Variants in TMEM114 observed in about 807,000 individuals in gnomAD.
The protein encoded by TMEM114 is claudin-26.
TMEM114 carries 6 observed loss-of-function variants against 6.2 expected under a neutral mutation model. That is an observed-to-expected ratio of 0.97 (90% CI 0.53 to 1.91). The LOEUF (loss-of-function observed/expected upper bound fraction) is 1.91. Ranked by LOEUF, TMEM114 falls within the 40% of genes most tolerant of loss-of-function variation. The pLI is 0.01. For synonymous variants in TMEM114, 104 were observed against 73.0 expected, an observed-to-expected ratio of 1.42 and a Z score of -2.16; for missense variants, 218 against 158.3, an observed-to-expected ratio of 1.38 and a Z score of -2.02.
intron 2 of TMEM114, among the ~76,000 whole-genome samples, chr16:8,553,328 C>T (rs1175329532): frequency 6.6e-6 from 1 of 152,092 alleles, no homozygotes; most frequent in East Asian, 1.9e-4. Context: ...TGTCTGTGGC[C>T]AGAGAAGTCT....
At position 8,574,550 on chromosome 16, in the gene TMEM114, C is replaced by CTTCT. The variant is rs771760042; in HGVS notation, c.302-2330_302-2327dup. Among the ~76,000 whole-genome samples the CTTCT allele has an allele frequency of 1.4e-3, 200 of 147,022 alleles. 1 individual carries two copies. The highest frequency in any genetic ancestry group is 4.1e-3 in the African/African-American group (158 of 39,008). ...CAGGGGATGAGACCTGTGGTCTTTC[C>CTTCT]TTCTTTCTTTCTTTCTTTCTTTCCT... On this transcript the variant is annotated intron_variant, in intron 2 of 3. Coordinates refer to ENST00000620492, the MANE Select transcript of TMEM114 (RefSeq NM_001146336.2).
intron 2 of TMEM114, among the ~76,000 whole-genome samples, chr16:8,545,221 T>A (rs192069757): frequency 6.6e-6 from 1 of 152,260 alleles, no homozygotes; most frequent in East Asian, 1.9e-4. Flanking sequence ...GAAGATTACT[T>A]GCATCCACGA....
At chr16:8,568,231 C>T (rs967757389), downstream of TMEM114, among the ~76,000 whole-genome samples, 9 of 152,208 alleles carry the variant, frequency 5.9e-5, no homozygotes, top group African/African-American at 9.6e-5. Flanking sequence ...TCTCCTCAAT[C>T]ATGTGGCACC....
rs762295891 is a variant in TMEM114, at chr16:8,580,341, G to C, written c.302-8117C>G. On this transcript the variant is annotated intron_variant, in intron 2 of 3. Transcript: ENST00000620492. ...GTCTCTACTAAAAATACAAAAATTA[G>C]CTGGACGTGGTGATGTGCACCTCTA... 1.4e-4 allele frequency among the ~76,000 whole-genome samples: 22 copies of C among 151,934 alleles called. 1 individual carries two copies. The highest frequency in any genetic ancestry group is 2.6e-4 in the Non-Finnish European group (18 of 67,996).
intron 3 of TMEM114, among the ~76,000 whole-genome samples, chr16:8,571,466 C>T (rs1192451783): frequency 2.6e-5 from 4 of 152,154 alleles, no homozygotes; most frequent in Non-Finnish European, 4.4e-5. Context: ...CTACTCTCAG[C>T]GATTTTCAAG....
chr16:8,547,891 G>C (rs185990273), intron 2 of TMEM114, among the ~76,000 whole-genome samples: 1 of 152,162 alleles, frequency 6.6e-6, no homozygotes. Flanking sequence ...GGGCTTGGGA[G>C]GCCCATCATT....
At chr16:8,571,443 T>C (rs2141684152) in intron 3 of TMEM114, among the ~76,000 whole-genome samples, 1 of 152,312 alleles carries the variant, frequency 6.6e-6, no homozygotes, top group East Asian at 1.9e-4. Flanking sequence ...TTGTGTGTGG[T>C]GAGAACTAAA....
downstream of TMEM114, chr16:8,537,521 A>AC (rs1900394511): frequency 6.6e-6 from 1 of 152,182 alleles, no homozygotes; most frequent in Non-Finnish European, 1.5e-5. Context: ...AAACAAACAA[A>AC]AAAACAAATA....
intron 2 of TMEM114, among the ~76,000 whole-genome samples, chr16:8,549,457 G>C (rs1266215956): frequency 7.1e-6 from 1 of 141,486 alleles, no homozygotes; most frequent in South Asian, 2.2e-4. Context: ...CCACGATTGA[G>C]CCACTTCACT....
chr16:8,578,622 G>C (rs540350190), intron 2 of TMEM114, among the ~76,000 whole-genome samples: 3 of 152,142 alleles, frequency 2.0e-5, no homozygotes, highest in Non-Finnish European at 2.9e-5. Context: ...ACCACGTCTT[G>C]GATGGCATAC....
At chr16:8,552,819 A>T (rs965990494) in intron 2 of TMEM114, among the ~76,000 whole-genome samples, 2 of 151,908 alleles carry the variant, frequency 1.3e-5, no homozygotes, top group African/African-American at 4.8e-5. Flanking sequence ...GTTTCTGCAC[A>T]AACCCCTCCC....
chr16:8,570,560 G>A (rs1419399563), intron 3 of TMEM114, among the ~76,000 whole-genome samples: 1 of 152,138 alleles, frequency 6.6e-6, no homozygotes, highest in African/African-American at 2.4e-5. Flanking sequence ...TCAAACTCCT[G>A]ACCTCAAGTG....
In TMEM114 at chr16:8,581,889, C is replaced by T. The variant is rs142891350; in HGVS notation, c.301+7324G>A. 3.7e-3 allele frequency among the ~76,000 whole-genome samples: 569 copies of T among 152,318 alleles called. 2 individuals carry two copies. The highest frequency in any genetic ancestry group is 6.4e-3 in the Non-Finnish European group (434 of 68,034). ...GATTGAAGATCCACAGGCACCTGCT[C>T]CTTCCCTGACTGCCTGCAGCACAGC... is the stretch of plus-strand genomic sequence containing the variant. On this transcript the variant is annotated intron_variant, in intron 2 of 3. Coordinates refer to ENST00000620492, the MANE Select transcript of TMEM114 (RefSeq NM_001146336.2).
At chr16:8,560,490 G>A (rs1227588831) in intron 2 of TMEM114, among the ~76,000 whole-genome samples, 2 of 152,290 alleles carry the variant, frequency 1.3e-5, no homozygotes, top group East Asian at 3.9e-4. Flanking sequence ...CATCCTCAGC[G>A]ACTAGGGGCT....
rs151062780 is a variant in TMEM114, at chr16:8,549,329, G to A, written n.213-11503C>T. Among the ~76,000 whole-genome samples the A allele has an allele frequency of 7.2e-3, 1,089 of 151,596 alleles. 6 individuals carry two copies. The highest frequency in any genetic ancestry group is 0.023 in the African/African-American group (933 of 41,274). On this transcript the variant is annotated intron_variant and non_coding_transcript_variant, in intron 2 of 2. Transcript: ENST00000623677. ...AGCCTGGCCAACATGACAAAACCCCGTCTCTACTAAAAATACAAAAATTAG... is the reference window on the plus strand; with the variant it reads ...AGCCTGGCCAACATGACAAAACCCCATCTCTACTAAAAATACAAAAATTAG...
intron 2 of TMEM114, among the ~76,000 whole-genome samples, chr16:8,562,172 GTGAA>G (rs1417929755): frequency 6.6e-6 from 1 of 150,820 alleles, no homozygotes; most frequent in African/African-American, 2.5e-5. Context: ...TAGTGAATGA[GTGAA>G]TGAGTCAGTG....
the TMEM114 span, among the ~76,000 whole-genome samples, chr16:8,531,301 GCATTGCAAAATTCAATAATTTAGTTT>G: frequency 6.6e-6 from 1 of 152,132 alleles, no homozygotes; most frequent in East Asian, 1.9e-4. Flanking sequence ...AATATAATTT[GCATTGCAAAATTCAATAATTTAGTTT>G]CTCATATTCA....
intron 2 of TMEM114, among the ~76,000 whole-genome samples, chr16:8,563,558 T>C (rs1391706005): frequency 6.6e-6 from 1 of 150,384 alleles, no homozygotes; most frequent in Non-Finnish European, 1.5e-5. Context: ...AGTGAATGAG[T>C]GACTGAGGGA....
intron 2 of TMEM114, among the ~76,000 whole-genome samples, chr16:8,555,269 G>T (rs9936920): frequency 6.6e-6 from 1 of 152,006 alleles, no homozygotes; most frequent in Non-Finnish European, 1.5e-5. Context: ...GCAAGCCTGT[G>T]GTAGAAGAAA....
Sources: allele counts gnomAD v4.1 joint callset (sites outside exome capture counted in the v4.1 genomes callset), GRCh38; gene constraint gnomAD v4.1.1; transcripts MANE v1.5; gene names NCBI Gene and HGNC (gene_info 2026-07-23, HGNC 2026-07-21).